Variants in SNTG1 observed in about 807,000 individuals in gnomAD.
SNTG1 encodes the protein gamma-1-syntrophin.
SNTG1 carries 39 observed loss-of-function variants against 74.7 expected under a neutral mutation model. The ratio of observed to expected loss-of-function variants is 0.52; its 90% CI spans 0.40 to 0.68. The LOEUF (loss-of-function observed/expected upper bound fraction) is 0.68. Among genes scored for constraint, SNTG1 ranks in the 30% least tolerant of loss-of-function variants. SNTG1 has a pLI of 0.00. For missense variants in SNTG1, 685 were observed against 609.5 expected, an observed-to-expected ratio of 1.12 and a Z score of -1.30; for synonymous variants, 254 against 217.1, an observed-to-expected ratio of 1.17 and a Z score of -1.49.
At chr8:50,015,603 G>C (rs1816233980) in intron 1 of SNTG1, among the ~76,000 whole-genome samples, 1 of 152,120 alleles carries the variant, frequency 6.6e-6, no homozygotes, top group African/African-American at 2.4e-5. Flanking sequence ...CATCAAAAGT[G>C]ACTTACGCAC....
At position 50,645,340 on chromosome 8, in the gene SNTG1, G is replaced by C. The variant is rs967478148; in HGVS notation, c.850-11569G>C. Among the ~76,000 whole-genome samples the C allele has an allele frequency of 1.1e-4, 15 of 142,620 alleles. No homozygotes were observed. In the South Asian group the frequency reaches 1.6e-3, roughly 15 times the overall value. The allele number at this position is 142,620 out of a possible 152,430, so 93.6% of individuals were successfully genotyped here. On this transcript the variant is annotated intron_variant, in intron 13 of 18. Transcript: ENST00000642720. ...TTGTAGGTATCCATTTTATTATTTTGTAATTTTTTTTATATAATTTCCTAA... is the reference window on the plus strand; with the variant it reads ...TTGTAGGTATCCATTTTATTATTTTCTAATTTTTTTTATATAATTTCCTAA...
At chr8:50,268,875 C>A (rs914987630) in intron 2 of SNTG1, among the ~76,000 whole-genome samples, 2 of 151,904 alleles carry the variant, frequency 1.3e-5, no homozygotes, top group African/African-American at 4.8e-5. Flanking sequence ...CCCTGGCTGG[C>A]CTCAAACTCC....
At chr8:50,205,638 T>A (rs1380882464) in intron 2 of SNTG1, among the ~76,000 whole-genome samples, 1 of 152,228 alleles carries the variant, frequency 6.6e-6, no homozygotes, top group Non-Finnish European at 1.5e-5. Flanking sequence ...ATGAAGTCCT[T>A]GCCCATGCCT....
chr8:50,297,569 A>G (rs1208790655), intron 2 of SNTG1, among the ~76,000 whole-genome samples: 1 of 152,166 alleles, frequency 6.6e-6, no homozygotes, highest in African/African-American at 2.4e-5. Flanking sequence ...AAGCAATGTG[A>G]TACTTCAACA....
chr8:50,706,630 A>C (rs1160433787), intron 16 of SNTG1, among the ~76,000 whole-genome samples: 1 of 152,184 alleles, frequency 6.6e-6, no homozygotes, highest in Non-Finnish European at 1.5e-5. Flanking sequence ...CCAGTGTAAG[A>C]TAAACATCAG....
At chr8:50,465,911 G>T (rs2093605321) in intron 8 of SNTG1, among the ~76,000 whole-genome samples, 1 of 152,084 alleles carries the variant, frequency 6.6e-6, no homozygotes, top group South Asian at 2.1e-4. Context: ...ACATTTCCAT[G>T]CAGGTTTATG....
At chr8:50,683,523 C>T (rs952347185) in intron 15 of SNTG1, among the ~76,000 whole-genome samples, 4 of 152,154 alleles carry the variant, frequency 2.6e-5, no homozygotes, top group African/African-American at 7.2e-5. Context: ...TAATTGAACA[C>T]ATTTTATGAG....
At chr8:50,031,462 A>G (rs1817733728) in intron 1 of SNTG1, among the ~76,000 whole-genome samples, 1 of 151,964 alleles carries the variant, frequency 6.6e-6, no homozygotes, top group African/African-American at 2.4e-5. Flanking sequence ...TATGAACTGT[A>G]TGTTTTCGTA....
chr8:50,641,270 A>G (rs552264544), intron 13 of SNTG1, among the ~76,000 whole-genome samples: 6 of 152,228 alleles, frequency 3.9e-5, no homozygotes, highest in Admixed American at 2.0e-4. Flanking sequence ...TAAGCCTCCA[A>G]TACCACTGTC....
At position 50,107,926 on chromosome 8, in the gene SNTG1, G is replaced by A. The variant is rs117993932; in HGVS notation, c.-102-64635G>A. ...AATGAGAAAATGTGTAAAATATTTT[G>A]TGTTAACATCACATAATTTTTTGGT... On this transcript the variant is annotated intron_variant, in intron 1 of 18. Coordinates refer to ENST00000642720, the MANE Select transcript of SNTG1 (RefSeq NM_018967.5). 2.6e-5 allele frequency among the ~76,000 whole-genome samples: 4 copies of A among 152,208 alleles called. No individual in the cohort carries two copies. The East Asian group carries it at 7.7e-4, about 29-fold the overall frequency.
At chr8:50,031,855 G>C (rs534329296) in intron 1 of SNTG1, among the ~76,000 whole-genome samples, 5 of 152,142 alleles carry the variant, frequency 3.3e-5, no homozygotes, top group African/African-American at 1.2e-4. Flanking sequence ...AAGTGTTGCT[G>C]CCTCCATTTT....
intron 8 of SNTG1, among the ~76,000 whole-genome samples, chr8:50,478,303 A>G (rs2093712494): frequency 6.6e-6 from 1 of 152,168 alleles, no homozygotes; most frequent in African/African-American, 2.4e-5. Context: ...AGTCATCCCT[A>G]ATATATTTCT....
intron 15 of SNTG1, among the ~76,000 whole-genome samples, chr8:50,673,333 T>C (rs1461186997): frequency 6.6e-6 from 1 of 152,210 alleles, no homozygotes; most frequent in Non-Finnish European, 1.5e-5. Flanking sequence ...TCCATTTGTT[T>C]GTGTCCTCTC....
chr8:50,253,676 TAC>T (rs34323604), intron 2 of SNTG1, among the ~76,000 whole-genome samples: 85,321 of 151,126 alleles, frequency 0.56, 27,775 homozygotes, highest in East Asian at 0.83. Flanking sequence ...CATATATGTA[TAC>T]ACACACACAT....
In SNTG1 at chr8:50,734,898, C is replaced by T. The variant is rs1457892270; in HGVS notation, c.1285-17103C>T. On this transcript the variant is annotated intron_variant, in intron 17 of 18. Coordinates refer to ENST00000642720, the MANE Select transcript of SNTG1 (RefSeq NM_018967.5). Reference sequence around the variant, plus strand: ...ACATATATATATCTATATATATGGACATATATATATCTATATATATGTCCA... The same window carrying T: ...ACATATATATATCTATATATATGGATATATATATATCTATATATATGTCCA... Among the ~76,000 whole-genome samples the T allele has an allele frequency of 1.8e-4, 24 of 131,272 alleles. 3 individuals carry two copies. The highest frequency in any genetic ancestry group is 1.6e-4 in the Admixed American group (2 of 12,784). 86.1% of individuals were successfully genotyped at this position (131,272 alleles called of 152,430 possible).
intron 2 of SNTG1, among the ~76,000 whole-genome samples, chr8:50,332,969 G>C (rs1401319761): frequency 6.6e-6 from 1 of 152,166 alleles, no homozygotes; most frequent in Non-Finnish European, 1.5e-5. Flanking sequence ...GTGAGTATGT[G>C]TTAGCATGTA....
chr8:49,965,292 G>A (rs1811041382), intron 1 of SNTG1, among the ~76,000 whole-genome samples: 1 of 152,144 alleles, frequency 6.6e-6, no homozygotes, highest in African/African-American at 2.4e-5. Context: ...GCACTCAGTA[G>A]GTGATGACGA....
At chr8:50,370,024 T>C (rs1034432137) in intron 2 of SNTG1, among the ~76,000 whole-genome samples, 2 of 152,136 alleles carry the variant, frequency 1.3e-5, no homozygotes, top group African/African-American at 4.8e-5. Context: ...CATTGGACAC[T>C]CCTAATCAAC....
intron 2 of SNTG1, among the ~76,000 whole-genome samples, chr8:50,339,998 T>G (rs115279215): frequency 0.014 from 2,121 of 151,934 alleles, 58 homozygotes; most frequent in African/African-American, 0.049. Flanking sequence ...GAGAAGTATT[T>G]AGATACAAAT....
Sources: gnomAD v4.1 joint callset for allele counts (sites outside exome capture counted in the v4.1 genomes callset) on GRCh38, gnomAD v4.1.1 for gene constraint, MANE v1.5 for transcripts, NCBI Gene and HGNC (gene_info 2026-07-23, HGNC 2026-07-21) for gene names.